The following SIPA1L1 variants were observed in gnomAD, a reference collection of about 807,000 sequenced individuals.
SIPA1L1 encodes the protein signal-induced proliferation-associated 1-like protein 1.
In SIPA1L1, 26 loss-of-function variants were observed where a neutral mutation model predicts 162.7. The ratio of observed to expected loss-of-function variants is 0.16; its 90% CI spans 0.12 to 0.22. The LOEUF (loss-of-function observed/expected upper bound fraction) is 0.22, where lower values mean the gene tolerates loss of function less well. SIPA1L1 is among the 10% of genes least tolerant of loss of function. SIPA1L1 has a pLI of 1.00. For missense variants in SIPA1L1, 1,874 were observed against 2,241.0 expected, an observed-to-expected ratio of 0.84 and a Z score of 3.31; for synonymous variants, 829 against 837.4, an observed-to-expected ratio of 0.99 and a Z score of 0.17.
chr14:71,641,065 C>T (rs1371469085), intron 7 of SIPA1L1, among the ~76,000 whole-genome samples: 1 of 151,752 alleles, frequency 6.6e-6, no homozygotes, highest in Non-Finnish European at 1.5e-5. Flanking sequence ...AGAACGGAGA[C>T]AAGAAAACAT....
intron 2 of SIPA1L1, among the ~76,000 whole-genome samples, chr14:71,434,822 C>G (rs144347216): frequency 6.6e-6 from 1 of 152,292 alleles, no homozygotes; most frequent in East Asian, 1.9e-4. Context: ...TTCAAGTGAT[C>G]CTCCCACCTT....
intron 4 of SIPA1L1, chr14:71,574,918 A>G (rs1471161871): frequency 2.6e-5 from 4 of 151,970 alleles, no homozygotes; most frequent in African/African-American, 7.3e-5. Context: ...AAATGTATGT[A>G]TATTTGCATA....
chr14:71,454,923 C>T (rs2046081854), intron 2 of SIPA1L1, among the ~76,000 whole-genome samples: 1 of 152,138 alleles, frequency 6.6e-6, no homozygotes, highest in Non-Finnish European at 1.5e-5. Context: ...TGAGACGGGA[C>T]ACCTGATGTC....
At chr14:71,606,832 C>T (rs750389385) in intron 5 of SIPA1L1, among the ~76,000 whole-genome samples, 12 of 151,860 alleles carry the variant, frequency 7.9e-5, no homozygotes, top group African/African-American at 2.9e-4. Flanking sequence ...GTGAGCAATA[C>T]GGAAATAACC....
intron 2 of SIPA1L1, among the ~76,000 whole-genome samples, chr14:71,475,192 C>G (rs946149272): frequency 3.9e-5 from 6 of 152,142 alleles, no homozygotes; most frequent in Admixed American, 2.6e-4. Flanking sequence ...CCAAGAAGTA[C>G]CAGTCTTTAA....
Position 71,478,300 on chromosome 14 carries a change from A to T in SIPA1L1, c.-464-34443A>T, listed in dbSNP as rs190478429. Among the ~76,000 whole-genome samples the T allele has an allele frequency of 6.9e-3, 1,054 of 151,754 alleles. 15 individuals are homozygous for T. The highest frequency in any genetic ancestry group is 0.024 in the African/African-American group (999 of 41,362). ...TATTTGTTGCATATGTGATTTGCAA[A>T]TTTTTTTCCAAGTCTATACCTTATT... On this transcript the variant is annotated intron_variant, in intron 2 of 23. Transcript: ENST00000381232.
intron 2 of SIPA1L1, among the ~76,000 whole-genome samples, chr14:71,338,858 G>A (rs1379516429): frequency 6.6e-6 from 1 of 151,890 alleles, no homozygotes; most frequent in African/African-American, 2.4e-5. Context: ...TCCTTCCTCA[G>A]CTTCCCGAGT....
intron 2 of SIPA1L1, among the ~76,000 whole-genome samples, chr14:71,504,718 T>C (rs1043132764): frequency 6.6e-6 from 1 of 152,246 alleles, no homozygotes; most frequent in African/African-American, 2.4e-5. Flanking sequence ...ATTTCAGTGA[T>C]GTTGAAGTGA....
At chr14:71,524,110 C>T (rs2052624583) in intron 3 of SIPA1L1, among the ~76,000 whole-genome samples, 1 of 149,662 alleles carries the variant, frequency 6.7e-6, no homozygotes, top group Admixed American at 6.7e-5. Flanking sequence ...TATGTATACA[C>T]ATATCTACAT....
chr14:71,709,546 G>A lies in SIPA1L1; in HGVS notation c.4090G>A (p.Asp1364Asn). 1 of 1,614,180 alleles carries A rather than the reference G, an allele frequency of 6.2e-7. No homozygotes were observed. Among genetic ancestry groups the A allele is most frequent in the Non-Finnish European group, 8.5e-7 (1 of 1,180,034 alleles). ...RTLETESHGL[D>N]RKTESSLSLD... ...TTTGGAGACAGAGAGCCACGGCCTG[G>A]ACCGGAAAACAGAGTCTTCCCTGAG... The change falls in exon 17 of 24, where the codon GAC (aspartate) becomes AAC (asparagine). Residue 1364 changes from aspartate to asparagine, a missense_variant. By Grantham distance (23) the Asp-to-Asn change is conservative. This residue lies in a region of SIPA1L1 where 936 missense variants were observed against 1,051.9 expected (regional missense o/e 0.89). Transcript: ENST00000381232.
intron 7 of SIPA1L1, among the ~76,000 whole-genome samples, chr14:71,639,501 C>T (rs2041491745): frequency 6.6e-6 from 1 of 152,152 alleles, no homozygotes; most frequent in Non-Finnish European, 1.5e-5. Context: ...GTTCTCCAAA[C>T]TGATACAAAG....
At chr14:71,402,054 C>T (rs1247659642) in intron 2 of SIPA1L1, among the ~76,000 whole-genome samples, 1 of 151,850 alleles carries the variant, frequency 6.6e-6, no homozygotes, top group Non-Finnish European at 1.5e-5. Context: ...GGGTGGGATC[C>T]CTGCATGTCC....
chr14:71,719,457 C>A (rs8009037), intron 17 of SIPA1L1, among the ~76,000 whole-genome samples: 65,406 of 151,970 alleles, frequency 0.43, 14,600 homozygotes, highest in East Asian at 0.56. Context: ...TATTATAAGT[C>A]TTTTAATGTA....
intron 2 of SIPA1L1, among the ~76,000 whole-genome samples, chr14:71,369,853 A>G (rs1295971979): frequency 6.8e-6 from 1 of 147,734 alleles, no homozygotes; most frequent in African/African-American, 2.5e-5. Flanking sequence ...AGTGGTTTGT[A>G]GTTCTCCTTG....
intron 2 of SIPA1L1, among the ~76,000 whole-genome samples, chr14:71,468,489 C>G (rs946020655): frequency 7.2e-5 from 11 of 152,038 alleles, no homozygotes; most frequent in Non-Finnish European, 1.6e-4. Flanking sequence ...GAGAGATTGG[C>G]AGGGGTGGGT....
At chr14:71,517,395 A>G (rs763577224) in intron 3 of SIPA1L1, among the ~76,000 whole-genome samples, 7 of 152,206 alleles carry the variant, frequency 4.6e-5, no homozygotes, top group Non-Finnish European at 8.8e-5. Flanking sequence ...TGATGCATTT[A>G]ACATCATGGT....
intron 4 of SIPA1L1, among the ~76,000 whole-genome samples, chr14:71,529,815 G>T (rs2145286113): frequency 6.6e-6 from 1 of 152,328 alleles, no homozygotes; most frequent in Admixed American, 6.5e-5. Flanking sequence ...AGATGGTCCT[G>T]TAATCCTTTT....
intron 2 of SIPA1L1, among the ~76,000 whole-genome samples, chr14:71,421,386 G>C (rs1189265530): frequency 6.6e-6 from 1 of 151,808 alleles, no homozygotes; most frequent in Middle Eastern, 3.4e-3. Flanking sequence ...TGAGGCCAGG[G>C]GTTTGAGACC....
intron 4 of SIPA1L1, among the ~76,000 whole-genome samples, chr14:71,560,650 A>G (rs2056714898): frequency 6.6e-6 from 1 of 152,204 alleles, no homozygotes; most frequent in Non-Finnish European, 1.5e-5. Context: ...AAAATTCCTG[A>G]TGTATCTTCT....
Sources: gnomAD v4.1 joint callset for allele counts (sites outside exome capture counted in the v4.1 genomes callset) on GRCh38, gnomAD v4.1.1 for gene constraint, gnomAD v4.1.1 regional missense constraint, MANE v1.5 for transcripts, NCBI Gene and HGNC (gene_info 2026-07-23, HGNC 2026-07-21) for gene names.